Variants in MAGI1 observed in about 807,000 individuals in gnomAD.
The protein encoded by MAGI1 is membrane-associated guanylate kinase, WW and PDZ domain-containing protein 1.
In MAGI1, 58 loss-of-function variants were observed where a neutral mutation model predicts 139.9. The ratio of observed to expected loss-of-function variants is 0.41; its 90% CI spans 0.34 to 0.52. The LOEUF (loss-of-function observed/expected upper bound fraction) is 0.52. Among genes scored for constraint, MAGI1 ranks in the 20% least tolerant of loss-of-function variants. The pLI, the probability that MAGI1 is intolerant of heterozygous loss-of-function variation, is 0.12. For missense variants in MAGI1, 1,874 were observed against 1,901.6 expected (o/e 0.99, Z 0.27); for synonymous variants, 812 against 737.9 (o/e 1.10, Z -1.63).
chr3:65,796,459 A>T (rs2040155846), intron 1 of MAGI1, among the ~76,000 whole-genome samples: 1 of 152,184 alleles, frequency 6.6e-6, no homozygotes, highest in South Asian at 2.1e-4. Context: ...TAACCATTAC[A>T]GCTGCTGTTT....
chr3:65,536,712 A>G (rs935109437), intron 2 of MAGI1, among the ~76,000 whole-genome samples: 2 of 152,182 alleles, frequency 1.3e-5, no homozygotes, highest in African/African-American at 4.8e-5. Flanking sequence ...ATCTAACCAG[A>G]TTCAATCTTG....
intron 1 of MAGI1, among the ~76,000 whole-genome samples, chr3:65,811,650 A>G (rs2041241347): frequency 6.6e-6 from 1 of 152,104 alleles, no homozygotes; most frequent in Non-Finnish European, 1.5e-5. Context: ...TGGGCTGCAG[A>G]GAAAGAGATA....
At chr3:65,572,316 C>G in intron 2 of MAGI1, among the ~76,000 whole-genome samples, 1 of 152,022 alleles carries the variant, frequency 6.6e-6, no homozygotes. Context: ...ATGAGGAGAG[C>G]TGAATTTGCC....
intron 1 of MAGI1, among the ~76,000 whole-genome samples, chr3:65,694,286 C>G (rs902490497): frequency 1.6e-4 from 25 of 152,174 alleles, no homozygotes; most frequent in African/African-American, 5.6e-4. Flanking sequence ...GTGTCATACA[C>G]TGCACTAAGC....
chr3:65,783,828 T>A (rs1040007265), intron 1 of MAGI1, among the ~76,000 whole-genome samples: 12 of 130,588 alleles, frequency 9.2e-5, no homozygotes, highest in East Asian at 4.6e-4. Flanking sequence ...AAATTAATTT[T>A]AAAAAAAGTG....
chr3:65,427,736 T>C (rs568639100), intron 12 of MAGI1, among the ~76,000 whole-genome samples: 1 of 152,196 alleles, frequency 6.6e-6, no homozygotes, highest in African/African-American at 2.4e-5. Context: ...GGCACCTTCC[T>C]ACCTCACAGG....
At chr3:65,877,585 G>A (rs1006800279) in intron 1 of MAGI1, among the ~76,000 whole-genome samples, 4 of 152,106 alleles carry the variant, frequency 2.6e-5, no homozygotes, top group Non-Finnish European at 5.9e-5. Flanking sequence ...AGTAAGGTAA[G>A]AAGAAGGTGG....
chr3:65,713,555 C>T (rs551056031), intron 1 of MAGI1, among the ~76,000 whole-genome samples: 2 of 152,156 alleles, frequency 1.3e-5, no homozygotes, highest in Non-Finnish European at 1.5e-5. Flanking sequence ...TAAGCCCCAA[C>T]AATTTTTGAG....
intron 1 of MAGI1, among the ~76,000 whole-genome samples, chr3:65,796,145 G>C (rs1024965524): frequency 6.6e-6 from 1 of 152,098 alleles, no homozygotes; most frequent in Non-Finnish European, 1.5e-5. Flanking sequence ...GCTGGCACAG[G>C]CCGGGGTCCC....
chr3:65,985,698 A>G (rs2065845375), intron 1 of MAGI1, among the ~76,000 whole-genome samples: 2 of 152,178 alleles, frequency 1.3e-5, no homozygotes, highest in Non-Finnish European at 2.9e-5. Context: ...GAAATGTCAT[A>G]TTGTCTCAGA....
At chr3:65,618,687 G>A (rs1559725908) in intron 2 of MAGI1, among the ~76,000 whole-genome samples, 1 of 152,100 alleles carries the variant, frequency 6.6e-6, no homozygotes, top group Non-Finnish European at 1.5e-5. Flanking sequence ...GCTACTTGCT[G>A]TGTGACCTTA....
intron 1 of MAGI1, among the ~76,000 whole-genome samples, chr3:65,714,901 A>G (rs1345528707): frequency 6.6e-6 from 1 of 152,174 alleles, no homozygotes; most frequent in Non-Finnish European, 1.5e-5. Context: ...GAAAAATAGT[A>G]TAGATATTAA....
At chr3:65,603,752 G>A (rs561658638) in intron 2 of MAGI1, among the ~76,000 whole-genome samples, 1 of 152,218 alleles carries the variant, frequency 6.6e-6, no homozygotes, top group Non-Finnish European at 1.5e-5. Flanking sequence ...TAGTTCTGGA[G>A]GCAGGGAATT....
chr3:65,477,708 A>ATTGTT (rs10647105), intron 4 of MAGI1, among the ~76,000 whole-genome samples: 2 of 114,208 alleles, frequency 1.8e-5, no homozygotes, highest in African/African-American at 7.6e-5. Context: ...TATTATTATT[A>ATTGTT]TTATTTTTTT....
At chr3:65,469,553 T>C (rs1237323454) in intron 5 of MAGI1, among the ~76,000 whole-genome samples, 2 of 152,076 alleles carry the variant, frequency 1.3e-5, no homozygotes, top group African/African-American at 4.8e-5. Context: ...CCTGTCTCTC[T>C]GTTCTCAAAC....
intron 2 of MAGI1, among the ~76,000 whole-genome samples, chr3:65,508,173 G>A (rs1469226750): frequency 1.3e-5 from 2 of 151,754 alleles, no homozygotes; most frequent in African/African-American, 4.9e-5. Flanking sequence ...GGAGGCCGAG[G>A]CGGGCAGATC....
intron 7 of MAGI1, among the ~76,000 whole-genome samples, chr3:65,446,455 A>G (rs898736081): frequency 6.6e-6 from 1 of 152,230 alleles, no homozygotes; most frequent in Non-Finnish European, 1.5e-5. Context: ...GCAAGTCACC[A>G]CGATATCACA....
At position 65,585,355 on chromosome 3, in the gene MAGI1, G is replaced by A. The variant is rs138829553; in HGVS notation, c.430+36617C>T. On this transcript the variant is annotated intron_variant, in intron 2 of 22. Transcript: ENST00000402939. ...CAACCCAATTTTAAATGTGGATAAA[G>A]GATTTGAACAGACACTTCACAAAAG... 2.2e-4 allele frequency among the ~76,000 whole-genome samples: 34 copies of A among 152,214 alleles called. No homozygotes were observed. In the East Asian group the frequency reaches 6.6e-3, roughly 29 times the overall value.
intron 1 of MAGI1, among the ~76,000 whole-genome samples, chr3:65,855,904 T>G (rs1308030018): frequency 6.6e-6 from 1 of 151,840 alleles, no homozygotes; most frequent in Non-Finnish European, 1.5e-5. Flanking sequence ...CACTGGAAGC[T>G]TCTCGCATGC....
Sources: allele counts gnomAD v4.1 joint callset (sites outside exome capture counted in the v4.1 genomes callset), GRCh38; gene constraint gnomAD v4.1.1; transcripts MANE v1.5; gene names NCBI Gene and HGNC (gene_info 2026-07-23, HGNC 2026-07-21).